Variants in NDST3 observed in about 807,000 individuals in gnomAD.
NDST3 encodes the protein N-deacetylase and N-sulfotransferase 3.
NDST3 carries 58 observed loss-of-function variants against 96.1 expected under a neutral mutation model. That is an observed-to-expected ratio of 0.60 (90% confidence interval 0.49 to 0.75). The LOEUF (loss-of-function observed/expected upper bound fraction) is 0.75, where lower values mean the gene tolerates loss of function less well. Ranked by LOEUF, NDST3 falls within the 30% of genes least tolerant of loss-of-function variation. The pLI is 0.00. For synonymous variants in NDST3, 333 were observed against 359.7 expected (o/e 0.93, Z 0.84); for missense variants, 788 against 1,034.2 (o/e 0.76, Z 3.27).
intron 2 of NDST3, among the ~76,000 whole-genome samples, chr4:118,074,936 T>C (rs1253728745): frequency 6.6e-6 from 1 of 152,138 alleles, no homozygotes; most frequent in Non-Finnish European, 1.5e-5. Context: ...AGTTCTAGGG[T>C]ACATGTACAC....
chr4:118,047,673 G>T (rs1036645533), intron 1 of NDST3, among the ~76,000 whole-genome samples: 2 of 151,994 alleles, frequency 1.3e-5, no homozygotes, highest in African/African-American at 4.8e-5. Flanking sequence ...CTGGCTCTTC[G>T]GGCCAACTCA....
At chr4:118,225,399 G>A (rs1192629104) in intron 7 of NDST3, among the ~76,000 whole-genome samples, 1 of 152,158 alleles carries the variant, frequency 6.6e-6, no homozygotes, top group Non-Finnish European at 1.5e-5. Context: ...GTCAGACGGG[G>A]CACTTGACAT....
intron 6 of NDST3, among the ~76,000 whole-genome samples, chr4:118,153,855 G>A (rs1578736692): frequency 2.6e-5 from 4 of 151,968 alleles, no homozygotes; most frequent in East Asian, 3.8e-4. Context: ...TTTTAATGAC[G>A]TGAAATATTC....
At chr4:118,079,677 G>GT (rs1727853339) in intron 2 of NDST3, among the ~76,000 whole-genome samples, 1 of 152,122 alleles carries the variant, frequency 6.6e-6, no homozygotes, top group Non-Finnish European at 1.5e-5. Context: ...GGATATCTTT[G>GT]GCAAGGGAAT....
At chr4:118,055,822 A>G (rs1407355322) in intron 2 of NDST3, among the ~76,000 whole-genome samples, 1 of 151,878 alleles carries the variant, frequency 6.6e-6, no homozygotes, top group African/African-American at 2.4e-5. Context: ...ATACATCTTG[A>G]AAACTTTGTT....
intron 10 of NDST3, among the ~76,000 whole-genome samples, chr4:118,237,866 T>C (rs1740743392): frequency 6.6e-6 from 1 of 151,928 alleles, no homozygotes; most frequent in Non-Finnish European, 1.5e-5. Context: ...CCAAGCATTT[T>C]GGAAGGTGGG....
chr4:118,118,408 G>C (rs888491416), intron 4 of NDST3, among the ~76,000 whole-genome samples: 1 of 152,136 alleles, frequency 6.6e-6, no homozygotes, highest in African/African-American at 2.4e-5. Flanking sequence ...GAGAATTTCC[G>C]AGACTGTGAT....
chr4:118,089,284 G>A (rs1279466875), intron 2 of NDST3, among the ~76,000 whole-genome samples: 2 of 151,640 alleles, frequency 1.3e-5, no homozygotes, highest in Admixed American at 1.3e-4. Flanking sequence ...GAACTTAAGG[G>A]GTTTATATAG....
At chr4:118,236,618 A>G (rs1740663239) in intron 9 of NDST3, among the ~76,000 whole-genome samples, 1 of 152,240 alleles carries the variant, frequency 6.6e-6, no homozygotes, top group South Asian at 2.1e-4. Flanking sequence ...ACTTGCAATA[A>G]AGTAAAAAAT....
intron 4 of NDST3, among the ~76,000 whole-genome samples, chr4:118,131,953 A>T (rs763724156): frequency 6.6e-6 from 1 of 152,088 alleles, no homozygotes; most frequent in Non-Finnish European, 1.5e-5. Flanking sequence ...TGGGATTATG[A>T]TGATGCAAAC....
At chr4:118,140,544 A>T (rs972612370) in intron 5 of NDST3, among the ~76,000 whole-genome samples, 4 of 152,174 alleles carry the variant, frequency 2.6e-5, no homozygotes, top group African/African-American at 9.7e-5. Context: ...GGAAAGAACC[A>T]GTATATTAGT....
intron 6 of NDST3, among the ~76,000 whole-genome samples, chr4:118,149,880 T>C (rs1734254943): frequency 6.6e-6 from 1 of 152,080 alleles, no homozygotes; most frequent in Non-Finnish European, 1.5e-5. Context: ...CAGTATGATA[T>C]TGGCTGTGGG....
At chr4:118,227,912 T>C (rs987571196) in intron 8 of NDST3, among the ~76,000 whole-genome samples, 2 of 152,188 alleles carry the variant, frequency 1.3e-5, no homozygotes, top group African/African-American at 4.8e-5. Context: ...GTACCCGGTC[T>C]ATAAACTTCT....
At chr4:118,069,891 A>G (rs1726909355) in intron 2 of NDST3, among the ~76,000 whole-genome samples, 1 of 151,928 alleles carries the variant, frequency 6.6e-6, no homozygotes, top group Non-Finnish European at 1.5e-5. Context: ...ACCTTTATGT[A>G]TTTATATTCC....
intron 2 of NDST3, among the ~76,000 whole-genome samples, chr4:118,096,587 C>T (rs561882022): frequency 5.3e-5 from 8 of 151,740 alleles, no homozygotes; most frequent in South Asian, 2.1e-4. Flanking sequence ...AAAAGATAGA[C>T]GGATAGACAG....
chr4:118,149,764 T>C (rs1395119745), intron 6 of NDST3, among the ~76,000 whole-genome samples: 5 of 151,432 alleles, frequency 3.3e-5, no homozygotes, highest in Non-Finnish European at 5.9e-5. Context: ...TCCTGCCTAA[T>C]TGCCCTGGCC....
At chr4:118,208,249 CAG>C (rs1199711445) in intron 6 of NDST3, among the ~76,000 whole-genome samples, 1 of 144,136 alleles carries the variant, frequency 6.9e-6, no homozygotes, top group Non-Finnish European at 1.5e-5. Flanking sequence ...CTTTTATCCC[CAG>C]AGTTAGAAAC....
chr4:118,163,217 G>A (rs1461806322), intron 6 of NDST3, among the ~76,000 whole-genome samples: 5 of 151,960 alleles, frequency 3.3e-5, no homozygotes. Context: ...TCTAGAACTA[G>A]AAATACCATT....
intron 2 of NDST3, among the ~76,000 whole-genome samples, chr4:118,081,845 T>C (rs941570538): frequency 4.6e-5 from 7 of 152,280 alleles, no homozygotes; most frequent in Non-Finnish European, 8.8e-5. Context: ...AGCCAGCCAG[T>C]TGGCTTCCTG....
Sources: gnomAD v4.1 joint callset for allele counts (sites outside exome capture counted in the v4.1 genomes callset) on GRCh38, gnomAD v4.1.1 for gene constraint, MANE v1.5 for transcripts, NCBI Gene and HGNC (gene_info 2026-07-23, HGNC 2026-07-21) for gene names.